Variants in DCAF4L2 observed in about 807,000 individuals in gnomAD.
DCAF4L2 encodes the protein DDB1- and CUL4-associated factor 4-like protein 2.
A neutral mutation model predicts 15.5 loss-of-function variants in DCAF4L2; 13 were observed. The ratio of observed to expected loss-of-function variants is 0.84; its 90% CI spans 0.54 to 1.33. The LOEUF (loss-of-function observed/expected upper bound fraction) is 1.33. DCAF4L2 is among the 40% of genes most tolerant of loss of function. The pLI is 0.00. For missense variants in DCAF4L2, 519 were observed against 509.6 expected, an observed-to-expected ratio of 1.02 and a Z score of -0.18; for synonymous variants, 251 against 207.0, an observed-to-expected ratio of 1.21 and a Z score of -1.83.
Position 87,872,511 on chromosome 8 carries a change from AAAAAAG to A in DCAF4L2, c.*267_*272del. ...AAAGTGTTTTTTTGTTAAAAAAAAA[AAAAAAG>A]GGGGGGATAACTATTCTAAGGTATT... is the stretch of plus-strand genomic sequence containing the variant. On this transcript the variant is annotated 3_prime_UTR_variant, in exon 1 of 1. Coordinates refer to ENST00000319675, the MANE Select transcript of DCAF4L2 (RefSeq NM_152418.4). 1 of 247,408 alleles carries A rather than the reference AAAAAAG, an allele frequency of 4.0e-6. No individual in the cohort carries two copies. The allele number at this position is 247,408 out of a possible 1,614,324, so 15.3% of individuals were successfully genotyped here.
Position 87,873,993 on chromosome 8 carries a change from C to T in DCAF4L2, c.-22G>A. 6.2e-7 allele frequency: 1 copy of T among 1,607,062 alleles called. No individual in the cohort carries two copies. The highest frequency in any genetic ancestry group is 1.3e-5 in the African/African-American group (1 of 74,874). On this transcript the variant is annotated 5_prime_UTR_variant, in exon 1 of 1. Coordinates refer to ENST00000319675, the MANE Select transcript of DCAF4L2 (RefSeq NM_152418.4). ...CCATTTCGTTCGGCGGATGTTCTCC[C>T]TCCTGAGGGGAAGTTCTGTCCCGGG... is the stretch of plus-strand genomic sequence containing the variant.
At position 87,872,942 on chromosome 8, in the gene DCAF4L2, G is replaced by A. The variant is rs1163599596; in HGVS notation, c.1030C>T (p.Arg344Cys). 3.1e-6 allele frequency: 5 copies of A among 1,614,148 alleles called. No individual in the cohort carries two copies. Among genetic ancestry groups the A allele is most frequent in the South Asian group, 1.1e-5 (1 of 91,080 alleles). The stretch of plus-strand genomic sequence containing the variant: ...ATGGTTGTGAGCAGGTGGCCATGAC[G>A]GAGGCTCCAGATTCTCGTGTAGCAG... ...QDCYTRIWSL[R>C]HGHLLTTIPS... The change falls in exon 1 of 1, where the codon CGT (arginine) becomes TGT (cysteine). Residue 344 changes from arginine (R) to cysteine (C), a missense_variant. By Grantham distance (180) the Arg-to-Cys change is radical. Transcript: ENST00000319675.
Position 87,873,472 on chromosome 8 carries a change from C to T in DCAF4L2, c.500G>A (p.Ser167Asn). Reference protein sequence around the residue: ...VLLPASLFIGSFPGMRRPGML... With the variant: ...VLLPASLFIGNFPGMRRPGML... ...GCCAGGCCGACGCATTCCTGGGAAGCTACCTATGAACAGCGACGCTGGGAG... is the reference window on the plus strand; with the variant it reads ...GCCAGGCCGACGCATTCCTGGGAAGTTACCTATGAACAGCGACGCTGGGAG... Residue 167 changes from serine to asparagine, a missense_variant, in exon 1 of 1, where the codon AGC (serine) becomes AAC (asparagine). Transcript: ENST00000319675. The T allele has an allele frequency of 1.2e-6, 2 of 1,614,182 alleles. No homozygotes were observed. The highest frequency in any genetic ancestry group is 8.5e-7 in the Non-Finnish European group (1 of 1,180,036).
At position 87,873,473 on chromosome 8, in the gene DCAF4L2, T is replaced by A. The variant is rs1422414822; in HGVS notation, c.499A>T (p.Ser167Cys). 6.2e-7 allele frequency: 1 copy of A among 1,614,010 alleles called. No individual in the cohort carries two copies. Among genetic ancestry groups the A allele is most frequent in the Non-Finnish European group, 8.5e-7 (1 of 1,180,034 alleles). Residue 167 changes from serine (S) to cysteine (C), a missense_variant, in exon 1 of 1, where the codon AGC (serine) becomes TGC (cysteine). Transcript: ENST00000319675. ...CCAGGCCGACGCATTCCTGGGAAGC[T>A]ACCTATGAACAGCGACGCTGGGAGC... Reference protein sequence around the residue: ...VLLPASLFIGSFPGMRRPGML... With the variant: ...VLLPASLFIGCFPGMRRPGML...
rs973397718 is a variant in DCAF4L2, at chr8:87,872,523, G to T, written c.*261C>A. 7.0e-6 allele frequency: 2 copies of T among 284,430 alleles called. No homozygotes were observed. Among genetic ancestry groups the T allele is most frequent in the Non-Finnish European group, 1.3e-5 (2 of 154,994 alleles). 17.6% of individuals were successfully genotyped at this position (284,430 alleles called of 1,614,324 possible). ...TGTTAAAAAAAAAAAAAAAGGGGGG[G>T]ATAACTATTCTAAGGTATTCAACAA... is the stretch of plus-strand genomic sequence containing the variant. On this transcript the variant is annotated 3_prime_UTR_variant, in exon 1 of 1. Transcript: ENST00000319675.
rs35671460 is a variant in DCAF4L2 at position 87,872,501 on chromosome 8, TA to T, written c.*282del. 0.34 allele frequency: 65,095 copies of T among 193,374 alleles called. 9,819 individuals carry two copies. Among genetic ancestry groups the T allele is most frequent in the Non-Finnish European group, 0.41 (39,475 of 97,428 alleles). 12.0% of individuals were successfully genotyped at this position (193,374 alleles called of 1,614,324 possible). A position where few individuals can be genotyped will look rare whatever the true frequency, so the allele number is the denominator to read the frequency against. ...AGTCCTTAGAAAAGTGTTTTTTTGT[TA>T]AAAAAAAAAAAAAAGGGGGGGATAA... On this transcript the variant is annotated 3_prime_UTR_variant, in exon 1 of 1. Transcript: ENST00000319675.
chr8:87,873,695 C>A lies in DCAF4L2; in HGVS notation c.277G>T (p.Glu93Ter). Reference protein sequence around the residue: ...TDQLFTVNQVEAGGSKYGIIT... With the variant: ...TDQLFTVNQV ...ATGCCGTACTTGGAGCCTCCAGCTT[C>A]GACTTGGTTCACTGTGAAGAGCTGG... Residue 93 changes from glutamate to a stop codon, truncating the protein, a stop_gained, in exon 1 of 1, where the codon GAA becomes TAA. Transcript: ENST00000319675. LOFTEE classifies it high-confidence loss of function. 6.2e-7 allele frequency: 1 copy of A among 1,614,148 alleles called. No individual in the cohort carries two copies. Among genetic ancestry groups the A allele is most frequent in the Non-Finnish European group, 8.5e-7 (1 of 1,180,038 alleles).
Position 87,872,189 on chromosome 8 carries a change from C to A in DCAF4L2, c.*595G>T. 1 of 163,314 alleles carries A rather than the reference C, an allele frequency of 6.1e-6. No individual in the cohort carries two copies. The allele number at this position is 163,314 out of a possible 1,614,324, so 10.1% of individuals were successfully genotyped here. A position where few individuals can be genotyped will look rare whatever the true frequency, so the allele number is the denominator to read the frequency against. On this transcript the variant is annotated 3_prime_UTR_variant, in exon 1 of 1. Coordinates refer to ENST00000319675, the MANE Select transcript of DCAF4L2 (RefSeq NM_152418.4). ...TAAAACTTCTATTATTTAAAAAGAT[C>A]CACCTTTCCTCCCATTGCCTATGGA...
chr8:87,873,773 A>G lies in DCAF4L2; in HGVS notation c.199T>C (p.Ser67Pro), dbSNP rs146243553. Residue 67 changes from serine to proline, a missense_variant, in exon 1 of 1, where the codon TCC becomes CCC. Ser to Pro is a moderately conservative substitution (Grantham distance 74, BLOSUM62 -1). Transcript: ENST00000319675. The stretch of plus-strand genomic sequence containing the variant: ...TTAAATCGGTCGCTTGCCAAAGAGG[A>G]GGGATCCCAGCTATGAATCTGGACC... Reference protein sequence around the residue: ...KKVQIHSWDPSSLASDRFNRI... With the variant: ...KKVQIHSWDPPSLASDRFNRI... 683 of 1,614,128 alleles carry G rather than the reference A, an allele frequency of 4.2e-4. 2 individuals carry two copies. In the East Asian group the frequency reaches 4.3e-3, roughly 10 times the overall value.
rs541689052 is a variant in DCAF4L2 at position 87,873,921 on chromosome 8, CTT to C, written c.49_50del (p.Lys17AspfsTer46). 1,944 of 1,614,082 alleles carry C rather than the reference CTT, an allele frequency of 1.2e-3. 4 individuals are homozygous for C. Among genetic ancestry groups the C allele is most frequent in the Non-Finnish European group, 1.6e-3 (1,873 of 1,180,034 alleles). ...RLLEEADKQKKTVRVGLNAPS... is the reference protein window; with the variant it reads ...RLLEEADKQKXTVRVGLNAPS... ...GTGCATTGAGTCCCACTCTGACTGT[CTT>C]TTTCTGCTTGTCTGCTTCCTCGAGC... is the stretch of plus-strand genomic sequence containing the variant. On this transcript the variant is annotated frameshift_variant, in exon 1 of 1. Transcript: ENST00000319675. LOFTEE classifies it high-confidence loss of function.
chr8:87,872,629 A>G lies in DCAF4L2; in HGVS notation c.*155T>C, dbSNP rs1809419727. 1 of 711,132 alleles carries G rather than the reference A, an allele frequency of 1.4e-6. No individual in the cohort carries two copies. The highest frequency in any genetic ancestry group is 1.8e-5 in the African/African-American group (1 of 56,328). 44.1% of individuals were successfully genotyped at this position (711,132 alleles called of 1,614,324 possible). A position where few individuals can be genotyped will look rare whatever the true frequency, so the allele number is the denominator to read the frequency against. ...TTAACTGAAACAACTTTACAGAACT[A>G]TCTTCACATAAAACAGCACCTTACC... On this transcript the variant is annotated 3_prime_UTR_variant, in exon 1 of 1. Coordinates refer to ENST00000319675, the MANE Select transcript of DCAF4L2 (RefSeq NM_152418.4).
chr8:87,873,443 G>A lies in DCAF4L2; in HGVS notation c.529C>T (p.Leu177Phe). Residue 177 changes from leucine to phenylalanine, a missense_variant, in exon 1 of 1, where the codon CTT (leucine) becomes TTT (phenylalanine). By Grantham distance (22) the Leu-to-Phe change is conservative. Transcript: ENST00000319675. ...SFPGMRRPGM[L>F]CSFQIPDAWS... ...GCATCAGGGATCTGGAAACTGCAAAGCATGCCAGGCCGACGCATTCCTGGG... is the reference window on the plus strand; with the variant it reads ...GCATCAGGGATCTGGAAACTGCAAAACATGCCAGGCCGACGCATTCCTGGG... The A allele has an allele frequency of 1.2e-6, 2 of 1,614,236 alleles. No homozygotes were observed. Among genetic ancestry groups the A allele is most frequent in the South Asian group, 2.2e-5 (2 of 91,090 alleles).
At position 87,873,355 on chromosome 8, in the gene DCAF4L2, T is replaced by C; in HGVS notation, c.617A>G (p.Gln206Arg). ...AYHSFSTGLS[Q>R]QVLLTNVVTG... ...CACCACGTTGGTCAACAGGACCTGCTGAGACAAGCCTGTACTGAAAGAGTG... is the reference window on the plus strand; with the variant it reads ...CACCACGTTGGTCAACAGGACCTGCCGAGACAAGCCTGTACTGAAAGAGTG... Residue 206 changes from glutamine (Q) to arginine (R), a missense_variant, in exon 1 of 1, where the codon CAG (glutamine) becomes CGG (arginine). Physicochemically the swap from Gln to Arg is conservative, Grantham distance 43. Transcript: ENST00000319675. 1 of 1,614,138 alleles carries C rather than the reference T, an allele frequency of 6.2e-7. No individual in the cohort carries two copies. The highest frequency in any genetic ancestry group is 2.2e-5 in the East Asian group (1 of 44,872).
chr8:87,872,705 G>A lies in DCAF4L2; in HGVS notation c.*79C>T. The A allele has an allele frequency of 7.2e-7, 1 of 1,390,830 alleles. No homozygotes were observed. Among genetic ancestry groups the A allele is most frequent in the Non-Finnish European group, 9.6e-7 (1 of 1,040,576 alleles). The allele number at this position is 1,390,830 out of a possible 1,614,324, so 86.2% of individuals were successfully genotyped here. On this transcript the variant is annotated 3_prime_UTR_variant, in exon 1 of 1. Coordinates refer to ENST00000319675, the MANE Select transcript of DCAF4L2 (RefSeq NM_152418.4). ...ACAAACACCGAACATCTCTTAAAAT[G>A]CGCTCATAGAAACGGTAATACGATG...
In DCAF4L2 at chr8:87,873,739, A is replaced by T; in HGVS notation, c.233T>A (p.Leu78Gln). 1 of 1,614,178 alleles carries T rather than the reference A, an allele frequency of 6.2e-7. No homozygotes were observed. Among genetic ancestry groups the T allele is most frequent in the Non-Finnish European group, 8.5e-7 (1 of 1,180,034 alleles). Reference sequence around the variant, plus strand: ...GAGCTGGTCAGTGTTGGTATTCGCCAGTATGCGGTTAAATCGGTCGCTTGC... The same window carrying T: ...GAGCTGGTCAGTGTTGGTATTCGCCTGTATGCGGTTAAATCGGTCGCTTGC... ...SLASDRFNRI[L>Q]ANTNTDQLFT... The change falls in exon 1 of 1, where the codon CTG (leucine) becomes CAG (glutamine). Residue 78 changes from leucine to glutamine, a missense_variant. Leu to Gln is a moderately radical substitution (Grantham distance 113). Transcript: ENST00000319675.
Position 87,872,683 on chromosome 8 carries a change from A to G in DCAF4L2, c.*101T>C, listed in dbSNP as rs1054150186. 9 of 1,257,772 alleles carry G rather than the reference A, an allele frequency of 7.2e-6. No homozygotes were observed. The South Asian group carries it at 1.4e-4, about 20-fold the overall frequency. The allele number at this position is 1,257,772 out of a possible 1,614,324, so 77.9% of individuals were successfully genotyped here. On this transcript the variant is annotated 3_prime_UTR_variant, in exon 1 of 1. Coordinates refer to ENST00000319675, the MANE Select transcript of DCAF4L2 (RefSeq NM_152418.4). The stretch of plus-strand genomic sequence containing the variant: ...AGCAGCCGGATGGATGGGATCTACA[A>G]ACACCGAACATCTCTTAAAATGCGC...
chr8:87,873,691 G>C lies in DCAF4L2; in HGVS notation c.281C>G (p.Ala94Gly). The change falls in exon 1 of 1, where the codon GCT (alanine) becomes GGT (glycine). Residue 94 changes from alanine (A) to glycine (G), a missense_variant. By Grantham distance (60) the Ala-to-Gly change is moderately conservative. Transcript: ENST00000319675. ...GATGATGCCGTACTTGGAGCCTCCAGCTTCGACTTGGTTCACTGTGAAGAG... is the reference window on the plus strand; with the variant it reads ...GATGATGCCGTACTTGGAGCCTCCACCTTCGACTTGGTTCACTGTGAAGAG... The part of the protein sequence containing the change: ...DQLFTVNQVE[A>G]GGSKYGIITM... The C allele has an allele frequency of 6.2e-7, 1 of 1,614,202 alleles. No individual in the cohort carries two copies. Among genetic ancestry groups the C allele is most frequent in the Middle Eastern group, 1.6e-4 (1 of 6,062 alleles).
At position 87,873,387 on chromosome 8, in the gene DCAF4L2, G is replaced by A. The variant is rs989915954; in HGVS notation, c.585C>T (p.His195=). 9 of 1,614,200 alleles carry A rather than the reference G, an allele frequency of 5.6e-6. No individual in the cohort carries two copies. The highest frequency in any genetic ancestry group is 5.1e-6 in the Non-Finnish European group (6 of 1,180,048). Residue 195 remains histidine (H), a synonymous_variant, in exon 1 of 1, where the codon CAC becomes CAT. Transcript: ENST00000319675. ...AWSCAWSLSI[H]AYHSFSTGLS... ...AGCCTGTACTGAAAGAGTGATACGC[G>A]TGGATGCTCAGGGACCAGGCACAGG...
In DCAF4L2 at chr8:87,871,264, C is replaced by T. The variant is rs1809392309; in HGVS notation, c.*1520G>A. 1 of 152,424 alleles carries T rather than the reference C, an allele frequency of 6.6e-6. No individual in the cohort carries two copies. Among genetic ancestry groups the T allele is most frequent in the Non-Finnish European group, 1.5e-5 (1 of 67,998 alleles). The allele number at this position is 152,424 out of a possible 1,614,324, so 9.4% of individuals were successfully genotyped here. On this transcript the variant is annotated 3_prime_UTR_variant, in exon 1 of 1. Transcript: ENST00000319675. ...CATTTTAGTAAATGACACCAACCAT[C>T]CACCAGTCCTAAAGTTAACAAAAAA...
Sources: allele counts gnomAD v4.1 joint callset, GRCh38; gene constraint gnomAD v4.1.1; transcripts MANE v1.5; gene names NCBI Gene and HGNC (gene_info 2026-07-23, HGNC 2026-07-21).